GABARAP: variants seen among roughly 807,000 people sequenced by gnomAD.
GABARAP encodes the protein gamma-aminobutyric acid receptor-associated protein.
Under a neutral mutation model 16.7 loss-of-function variants are expected in GABARAP, and 5 were observed. The observed-to-expected ratio is 0.30, with a 90% confidence interval of 0.16 to 0.63. The LOEUF (loss-of-function observed/expected upper bound fraction) is 0.63. Ranked by LOEUF, GABARAP falls within the 20% of genes least tolerant of loss-of-function variation. The pLI is 0.82. For missense variants in GABARAP, 84 were observed against 146.6 expected (o/e 0.57, Z 2.21); for synonymous variants, 45 against 52.7 (o/e 0.85, Z 0.64).
chr17:7,241,058 A>T (rs2142997644), intron 3 of GABARAP, 139 bp from the exon 4 acceptor site: 8 of 716,012 alleles, frequency 1.1e-5, no homozygotes, highest in South Asian at 3.2e-5. Flanking sequence ...CGAGCAGTAT[A>T]ATCTCTGCAG....
Position 7,242,364 on chromosome 17 carries a change from G to T in GABARAP, c.-34C>A. 6.4e-7 allele frequency: 1 copy of T among 1,550,664 alleles called. No individual in the cohort carries two copies. Among genetic ancestry groups the T allele is most frequent in the Non-Finnish European group, 8.9e-7 (1 of 1,124,486 alleles). On this transcript the variant is annotated 5_prime_UTR_variant, in exon 1 of 4. Coordinates refer to ENST00000302386, the MANE Select transcript of GABARAP (RefSeq NM_007278.2). ...GAACCGGGCTGGACAGGGCTGGGCT[G>T]AGGGAACCCAGGGGGGCCGGGACGG... is the stretch of plus-strand genomic sequence containing the variant.
intron 1 of GABARAP, 49 bp downstream of exon 1, chr17:7,242,192 G>A (rs770444370): frequency 5.2e-6 from 7 of 1,357,550 alleles, no homozygotes; most frequent in Middle Eastern, 1.8e-4. Flanking sequence ...GCCAGGCTGT[G>A]GCGTCAGCGT....
At position 7,241,629 on chromosome 17, in the gene GABARAP, C is replaced by A. The variant is rs767382411; in HGVS notation, c.141G>T (p.Lys47Asn). Residue 47 changes from lysine to asparagine, a missense_variant, in exon 2 of 4, where the codon AAG (lysine) becomes AAT (asparagine). Lys to Asn is a moderately conservative substitution (Grantham distance 94, BLOSUM62 0). Transcript: ENST00000302386. ...PKARIGDLDK[K>N]KYLVPSDLTV... ...TGAGATCAGAAGGCACCAGGTATTT[C>A]TTTTTGTCCAGGTCTCCTATCCGAG... is the stretch of plus-strand genomic sequence containing the variant. 1 of 1,612,764 alleles carries A rather than the reference C, an allele frequency of 6.2e-7. No individual in the cohort carries two copies. Among genetic ancestry groups the A allele is most frequent in the Non-Finnish European group, 8.5e-7 (1 of 1,178,788 alleles).
intron 1 of GABARAP, 137 bp downstream of exon 1, chr17:7,242,104 A>G (rs781328324): frequency 5.6e-5 from 37 of 661,662 alleles, no homozygotes; most frequent in East Asian, 2.7e-4. Flanking sequence ...CTGGGTCCCA[A>G]GGACAGCAGT....
In GABARAP at chr17:7,241,370, G is replaced by T; in HGVS notation, c.260C>A (p.Thr87Asn). The change falls in exon 3 of 4, where the codon ACC (threonine) becomes AAC (asparagine). Residue 87 changes from threonine to asparagine, a missense_variant. Thr to Asn is a moderately conservative substitution (Grantham distance 65). Transcript: ENST00000302386. ...GTACAGCTGACCCATTGTGGCACTG[G>T]TGGGTGGAATGACATTGTTGACAAA... ...FFFVNNVIPP[T>N]SATMGQLYQE... The T allele has an allele frequency of 1.3e-6, 2 of 1,567,408 alleles. No homozygotes were observed. Among genetic ancestry groups the T allele is most frequent in the Non-Finnish European group, 1.8e-6 (2 of 1,137,676 alleles).
chr17:7,241,185 C>T (rs1444239825), intron 3 of GABARAP, 157 bp downstream of exon 3: 6 of 693,784 alleles, frequency 8.6e-6, no homozygotes, highest in East Asian at 2.5e-5. Flanking sequence ...TCTCTCTACT[C>T]CTACTGTTCT....
Position 7,240,708 on chromosome 17 carries a change from G to T in GABARAP, c.*146C>A. Reference sequence around the variant, plus strand: ...TCCACCATTACCCCTCCTAAGAGAGGCTGGAGAGAAAGCCACAAACATTAA... The same window carrying T: ...TCCACCATTACCCCTCCTAAGAGAGTCTGGAGAGAAAGCCACAAACATTAA... On this transcript the variant is annotated 3_prime_UTR_variant, in exon 4 of 4. Transcript: ENST00000302386. 1 of 644,240 alleles carries T rather than the reference G, an allele frequency of 1.6e-6. No homozygotes were observed. The highest frequency in any genetic ancestry group is 2.8e-6 in the Non-Finnish European group (1 of 355,196). The allele number at this position is 644,240 out of a possible 1,614,324, so 39.9% of individuals were successfully genotyped here. A position where few individuals can be genotyped will look rare whatever the true frequency, so the allele number is the denominator to read the frequency against.
chr17:7,241,050 A>G, intron 3 of GABARAP, 131 bp from the exon 4 acceptor site: 1 of 731,462 alleles, frequency 1.4e-6, no homozygotes, highest in Non-Finnish European at 2.5e-6. Flanking sequence ...CTACCACACG[A>G]GCAGTATAAT....
Position 7,241,359 on chromosome 17 carries a change from T to G in GABARAP, c.271A>C (p.Met91Leu). Residue 91 changes from methionine to leucine, a missense_variant, in exon 3 of 4, where the codon ATG becomes CTG. Physicochemically the swap from Met to Leu is conservative, Grantham distance 15 (BLOSUM62 2). Transcript: ENST00000302386. ...NNVIPPTSAT[M>L]GQLYQEHHEE... ...CACCATACCTGGTACAGCTGACCCA[T>G]TGTGGCACTGGTGGGTGGAATGACA... The G allele has an allele frequency of 6.6e-7, 1 of 1,514,686 alleles. No individual in the cohort carries two copies. The highest frequency in any genetic ancestry group is 9.2e-7 in the Non-Finnish European group (1 of 1,089,678). The allele number at this position is 1,514,686 out of a possible 1,614,324, so 93.8% of individuals were successfully genotyped here. A position where few individuals can be genotyped will look rare whatever the true frequency, so the allele number is the denominator to read the frequency against.
rs2071768677 is a variant in GABARAP at position 7,240,812 on chromosome 17, CTTT to C, written c.*39_*41del. ...GTCAAGAAAGGGGGGCCACCTCTCT[CTTT>C]GTAGAATGAGACCCCCCTCCAGCTC... On this transcript the variant is annotated 3_prime_UTR_variant, in exon 4 of 4. Transcript: ENST00000302386. The C allele has an allele frequency of 7.0e-7, 1 of 1,423,684 alleles. No individual in the cohort carries two copies. The highest frequency in any genetic ancestry group is 1.4e-5 in the African/African-American group (1 of 71,018). 88.2% of individuals were successfully genotyped at this position (1,423,684 alleles called of 1,614,324 possible).
At chr17:7,241,013 G>C (rs2071772125) in intron 3 of GABARAP, 94 bp from the exon 4 acceptor site, 5 of 833,336 alleles carry the variant, frequency 6.0e-6, no homozygotes, top group South Asian at 5.5e-5. Flanking sequence ...ACAAACCATT[G>C]CCTGACTCCT....
In GABARAP at chr17:7,240,615, A is replaced by G. The variant is rs2071765553; in HGVS notation, c.*239T>C. The G allele has an allele frequency of 8.0e-6, 4 of 502,618 alleles. No homozygotes were observed. Among genetic ancestry groups the G allele is most frequent in the Non-Finnish European group, 1.4e-5 (4 of 280,210 alleles). The allele number at this position is 502,618 out of a possible 1,614,324, so 31.1% of individuals were successfully genotyped here. A position where few individuals can be genotyped will look rare whatever the true frequency, so the allele number is the denominator to read the frequency against. ...ACACAGACTGACAATCAAGAAGTCT[A>G]CAGCAGGATGGGAAAGGCGGGCAGA... On this transcript the variant is annotated 3_prime_UTR_variant, in exon 4 of 4. Transcript: ENST00000302386.
rs1199818874 is a variant in GABARAP at position 7,240,657 on chromosome 17, A to G, written c.*197T>C. The G allele has an allele frequency of 3.6e-6, 2 of 562,526 alleles. No individual in the cohort carries two copies. The highest frequency in any genetic ancestry group is 3.8e-5 in the African/African-American group (2 of 52,642). The allele number at this position is 562,526 out of a possible 1,614,324, so 34.8% of individuals were successfully genotyped here. A position where few individuals can be genotyped will look rare whatever the true frequency, so the allele number is the denominator to read the frequency against. On this transcript the variant is annotated 3_prime_UTR_variant, in exon 4 of 4. Transcript: ENST00000302386. ...GCGGGCAGAGAAAGGGGAAGAAAGGAGAAAGGAGAGTTACAAGATGCCAAC... is the reference window on the plus strand; with the variant it reads ...GCGGGCAGAGAAAGGGGAAGAAAGGGGAAAGGAGAGTTACAAGATGCCAAC...
In GABARAP at chr17:7,241,448, T is replaced by C; in HGVS notation, c.182A>G (p.Tyr61Cys). The C allele has an allele frequency of 1.3e-6, 2 of 1,562,088 alleles. No homozygotes were observed. Among genetic ancestry groups the C allele is most frequent in the South Asian group, 1.1e-5 (1 of 90,010 alleles). The change falls in exon 3 of 4, where the codon TAC (tyrosine) becomes TGC (cysteine). Residue 61 changes from tyrosine (Y) to cysteine (C), a missense_variant. By Grantham distance (194) the Tyr-to-Cys change is radical. Coordinates refer to ENST00000302386, the MANE Select transcript of GABARAP (RefSeq NM_007278.2). ...ATGAATTCGCTTCCGGATCAAGAAG[T>C]AGAACTGACCAACTGCAAAAGATAC... Reference protein sequence around the residue: ...VPSDLTVGQFYFLIRKRIHLR... With the variant: ...VPSDLTVGQFCFLIRKRIHLR...
At chr17:7,242,054 C>T in intron 1 of GABARAP, 187 bp downstream of exon 1, 1 of 608,232 alleles carries the variant, frequency 1.6e-6, no homozygotes, top group South Asian at 1.9e-5. Flanking sequence ...GTCCACATCC[C>T]TCTCAACCCC....
In GABARAP at chr17:7,242,231, C is replaced by G; in HGVS notation, c.90+10G>C. ...CGTCCCGCGCCCTCGGCCCTGGCTA[C>G]TGTCCTCACCGGCACCCGGTCCGGG... On this transcript the variant is annotated intron_variant, in intron 1 of 3. Coordinates refer to ENST00000302386, the MANE Select transcript of GABARAP (RefSeq NM_007278.2). The G allele has an allele frequency of 6.2e-7, 1 of 1,607,432 alleles. No homozygotes were observed. Among genetic ancestry groups the G allele is most frequent in the Non-Finnish European group, 8.5e-7 (1 of 1,174,222 alleles).
chr17:7,242,029 AGGT>A, intron 1 of GABARAP: 1 of 600,284 alleles, frequency 1.7e-6, no homozygotes, highest in Non-Finnish European at 3.0e-6. Flanking sequence ...TCAAATGCTA[AGGT>A]TTCTCTCTCC....
intron 2 of GABARAP, 31 bp downstream of exon 2, chr17:7,241,570 A>G (rs199729035): frequency 1.4e-5 from 22 of 1,537,928 alleles, no homozygotes; most frequent in Non-Finnish European, 2.0e-5. Context: ...ACCCACAGGA[A>G]GCAAGCCTGA....
At chr17:7,241,897 T>C in intron 1 of GABARAP, 1 of 583,906 alleles carries the variant, frequency 1.7e-6, no homozygotes, top group South Asian at 2.1e-5. Context: ...GGCGTCACCA[T>C]AAACAACTAT....
Sources: allele counts gnomAD v4.1 joint callset, GRCh38; gene constraint gnomAD v4.1.1; transcripts MANE v1.5; gene names NCBI Gene and HGNC (gene_info 2026-07-23, HGNC 2026-07-21).